GALNT7: variants seen among roughly 807,000 people sequenced by gnomAD.
The protein encoded by GALNT7 is polypeptide N-acetylgalactosaminyltransferase 7.
GALNT7 carries 60 observed loss-of-function variants against 82.1 expected under a neutral mutation model. That is an observed-to-expected ratio of 0.73 (90% CI 0.59 to 0.91). GALNT7 has a LOEUF of 0.91. GALNT7 is among the 40% of genes least tolerant of loss of function. GALNT7 has a pLI of 0.00. For synonymous variants in GALNT7, 243 were observed against 275.1 expected, an observed-to-expected ratio of 0.88 and a Z score of 1.15; for missense variants, 660 against 804.2, an observed-to-expected ratio of 0.82 and a Z score of 2.17.
At position 173,178,052 on chromosome 4, in the gene GALNT7, T is replaced by TGTGTGC. The variant is rs563102408; in HGVS notation, c.126+9092_126+9093insTGTGCG. ...GTGTGTGTGTGTGTGTGTGTGTGTG[T>TGTGTGC]GCGCGCACGCGCGTGCGCACAGACA... On this transcript the variant is annotated intron_variant, in intron 1 of 11. Coordinates refer to ENST00000265000, the MANE Select transcript of GALNT7 (RefSeq NM_017423.3). Among the ~76,000 whole-genome samples the TGTGTGC allele has an allele frequency of 1.7e-3, 226 of 129,482 alleles. 1 individual carries two copies. Among genetic ancestry groups the TGTGTGC allele is most frequent in the African/African-American group, 4.5e-3 (147 of 32,740 alleles). 84.9% of individuals were successfully genotyped at this position (129,482 alleles called of 152,430 possible).
intron 1 of GALNT7, among the ~76,000 whole-genome samples, chr4:173,218,675 G>A (rs967053958): frequency 5.9e-5 from 9 of 152,166 alleles, no homozygotes; most frequent in African/African-American, 1.9e-4. Flanking sequence ...AGGATTGATA[G>A]TGTCCAGTAC....
intron 2 of GALNT7, among the ~76,000 whole-genome samples, chr4:173,272,577 T>C (rs1213287941): frequency 6.6e-6 from 1 of 152,170 alleles, no homozygotes; most frequent in Non-Finnish European, 1.5e-5. Flanking sequence ...AAAGATTTGA[T>C]TTTCTGGAAA....
intron 1 of GALNT7, among the ~76,000 whole-genome samples, chr4:173,209,440 G>A (rs1198773324): frequency 6.6e-6 from 1 of 152,196 alleles, no homozygotes; most frequent in Non-Finnish European, 1.5e-5. Context: ...TTTAGGTCTA[G>A]GACTGGAGAA....
At chr4:173,276,142 A>C (rs1735899372) in intron 2 of GALNT7, among the ~76,000 whole-genome samples, 1 of 152,200 alleles carries the variant, frequency 6.6e-6, no homozygotes, top group African/African-American at 2.4e-5. Context: ...TTAATTCATT[A>C]ATGAGGACAG....
At chr4:173,208,632 C>T (rs915479193) in intron 1 of GALNT7, among the ~76,000 whole-genome samples, 3 of 152,174 alleles carry the variant, frequency 2.0e-5, no homozygotes, top group Non-Finnish European at 2.9e-5. Context: ...GCAGCTCTTT[C>T]GCTGGTTCAT....
chr4:173,225,044 A>AT, intron 1 of GALNT7, among the ~76,000 whole-genome samples: 1 of 148,846 alleles, frequency 6.7e-6, no homozygotes, highest in South Asian at 2.1e-4. Context: ...AATAATAATA[A>AT]TAATAATTAT....
intron 1 of GALNT7, among the ~76,000 whole-genome samples, chr4:173,243,943 T>G (rs1055034085): frequency 2.0e-5 from 3 of 152,226 alleles, no homozygotes; most frequent in Admixed American, 6.5e-5. Flanking sequence ...TTCATTCATT[T>G]ATTCAGTGAG....
chr4:173,288,779 GC>G (rs1024854109), intron 2 of GALNT7, among the ~76,000 whole-genome samples: 1 of 152,036 alleles, frequency 6.6e-6, no homozygotes, highest in Admixed American at 6.5e-5. Flanking sequence ...AGGACAAAAA[GC>G]CCTTACTAGG....
intron 8 of GALNT7, among the ~76,000 whole-genome samples, chr4:173,307,853 AAAGT>A (rs1209859702): frequency 2.0e-5 from 3 of 152,186 alleles, no homozygotes; most frequent in African/African-American, 7.2e-5. Context: ...AGCTTTGCCC[AAAGT>A]AATTCAAGAG....
chr4:173,234,933 C>T (rs1294242411), intron 1 of GALNT7, among the ~76,000 whole-genome samples: 1 of 152,202 alleles, frequency 6.6e-6, no homozygotes, highest in African/African-American at 2.4e-5. Context: ...GCCTGAGGCC[C>T]TATCAGAAGG....
At position 173,321,620 on chromosome 4, in the gene GALNT7, T is replaced by C; in HGVS notation, c.1877T>C (p.Leu626Ser). 6.2e-7 allele frequency: 1 copy of C among 1,609,762 alleles called. No individual in the cohort carries two copies. The highest frequency in any genetic ancestry group is 8.5e-7 in the Non-Finnish European group (1 of 1,176,126). The change falls in exon 12 of 12, where the codon TTA becomes TCA. Residue 626 changes from leucine (L) to serine (S), a missense_variant. This residue lies in a region of GALNT7 where 527 missense variants were observed against 683.5 expected (regional missense o/e 0.77). Transcript: ENST00000265000. Reference protein sequence around the residue: ...RFTHIPSGKCLDRSEVLHQVF... With the variant: ...RFTHIPSGKCSDRSEVLHQVF... ...ACTCATATTCCTTCAGGAAAGTGTT[T>C]AGATCGCTCAGAGGTCCTGCATCAA...
At chr4:173,306,628 C>A (rs984382766) in intron 8 of GALNT7, among the ~76,000 whole-genome samples, 1 of 152,170 alleles carries the variant, frequency 6.6e-6, no homozygotes, top group African/African-American at 2.4e-5. Flanking sequence ...TTTTGTCCTT[C>A]ATTCTGTTAA....
intron 8 of GALNT7, among the ~76,000 whole-genome samples, chr4:173,306,185 C>T (rs936078195): frequency 6.6e-6 from 1 of 151,856 alleles, no homozygotes; most frequent in Non-Finnish European, 1.5e-5. Flanking sequence ...ACAGATAGAC[C>T]ACCGTTAGCA....
chr4:173,298,340 C>T, intron 6 of GALNT7, 43 bp downstream of exon 6: 1 of 1,323,844 alleles, frequency 7.6e-7, no homozygotes, highest in Non-Finnish European at 1.0e-6. Flanking sequence ...TCTCCAGTTG[C>T]TGCTAACCTA....
At position 173,302,696 on chromosome 4, in the gene GALNT7, C is replaced by T. The variant is rs1649034179; in HGVS notation, c.1266+532C>T. Among the ~76,000 whole-genome samples the T allele has an allele frequency of 6.6e-6, 1 of 152,160 alleles. No individual in the cohort carries two copies. Among genetic ancestry groups the T allele is most frequent in the African/African-American group, 2.4e-5 (1 of 41,432 alleles). The stretch of plus-strand genomic sequence containing the variant: ...CCCACCTCAACCCCTATTCCTACCC[C>T]CATTTTCCAAAAGAAAGAGAGAGAG... On this transcript the variant is annotated intron_variant, in intron 7 of 11. Transcript: ENST00000265000. This position sits in a 1 kb window ranked among gnomAD's most constrained non-coding sequence, Gnocchi z 4.2.
At chr4:173,240,396 C>T (rs1038942711) in intron 1 of GALNT7, among the ~76,000 whole-genome samples, 1 of 117,670 alleles carries the variant, frequency 8.5e-6, no homozygotes, top group Non-Finnish European at 1.6e-5. Flanking sequence ...TGAGACAGAG[C>T]TTCGCTTTTG....
In GALNT7 at chr4:173,284,427, A is replaced by T. The variant is rs115404383; in HGVS notation, c.588-7681A>T. Among the ~76,000 whole-genome samples, 1,117 of 152,294 alleles carry T rather than the reference A, an allele frequency of 7.3e-3. 17 individuals carry two copies. The highest frequency in any genetic ancestry group is 0.025 in the African/African-American group (1,048 of 41,538). ...CATTAGAACCTTAGACATCCCATAC[A>T]ATTTTGGACATATGTTAATATTTTT... is the stretch of plus-strand genomic sequence containing the variant. On this transcript the variant is annotated intron_variant, in intron 2 of 11. Coordinates refer to ENST00000265000, the MANE Select transcript of GALNT7 (RefSeq NM_017423.3).
At position 173,321,567 on chromosome 4, in the gene GALNT7, C is replaced by T; in HGVS notation, c.1837-13C>T. The T allele has an allele frequency of 1.2e-6, 2 of 1,604,228 alleles. No homozygotes were observed. Among genetic ancestry groups the T allele is most frequent in the Non-Finnish European group, 1.7e-6 (2 of 1,173,460 alleles). On this transcript the variant is annotated splice_polypyrimidine_tract_variant and intron_variant, in intron 11 of 11. Coordinates refer to ENST00000265000, the MANE Select transcript of GALNT7 (RefSeq NM_017423.3). ...GTCCAAATTTGAAACTTTTTTCTTA[C>T]TGTGTTTTCCAGAACCTGCACAGAT...
At chr4:173,287,711 T>C (rs1448225753) in intron 2 of GALNT7, among the ~76,000 whole-genome samples, 2 of 152,210 alleles carry the variant, frequency 1.3e-5, no homozygotes, top group African/African-American at 4.8e-5. Flanking sequence ...CTAGTCATGC[T>C]CATCTGCTTA....
Sources: gnomAD v4.1 joint callset for allele counts (sites outside exome capture counted in the v4.1 genomes callset) on GRCh38, gnomAD v4.1.1 for gene constraint, gnomAD v4.1.1 regional missense constraint, Gnocchi (gnomAD v3.1) non-coding constraint, MANE v1.5 for transcripts, NCBI Gene and HGNC (gene_info 2026-07-23, HGNC 2026-07-21) for gene names.